The following TGFBRAP1 variants were observed in gnomAD, a reference collection of about 807,000 sequenced individuals.
TGFBRAP1 encodes transforming growth factor-beta receptor-associated protein 1.
Under a neutral mutation model 83.2 loss-of-function variants are expected in TGFBRAP1, and 20 were observed. The ratio of observed to expected loss-of-function variants is 0.24; its 90% CI spans 0.17 to 0.35. The LOEUF is 0.35. TGFBRAP1 is among the 10% of genes least tolerant of loss of function. TGFBRAP1 has a pLI of 1.00. For missense variants in TGFBRAP1, 950 were observed against 1,099.4 expected (o/e 0.86, Z 1.92); for synonymous variants, 415 against 459.8 (o/e 0.90, Z 1.25).
At chr2:105,317,970 T>G (rs1023327263) in intron 1 of TGFBRAP1, among the ~76,000 whole-genome samples, 1 of 152,216 alleles carries the variant, frequency 6.6e-6, no homozygotes, top group African/African-American at 2.4e-5. Context: ...ATTTGAAGTC[T>G]GACAACATGA....
chr2:105,268,159 C>T (rs534208325), intron 11 of TGFBRAP1, among the ~76,000 whole-genome samples: 33 of 152,294 alleles, frequency 2.2e-4, no homozygotes, highest in Non-Finnish European at 3.7e-4. Flanking sequence ...TCGTGTCAAC[C>T]GAGGCAGGTT....
intron 4 of TGFBRAP1, among the ~76,000 whole-genome samples, chr2:105,288,364 C>G (rs1326023951): frequency 6.6e-6 from 1 of 152,134 alleles, no homozygotes; most frequent in Non-Finnish European, 1.5e-5. Flanking sequence ...CTCTCCAGGG[C>G]TCTCGGCTAT....
intron 4 of TGFBRAP1, among the ~76,000 whole-genome samples, chr2:105,285,415 G>A (rs1370330328): frequency 7.2e-5 from 11 of 152,138 alleles, no homozygotes; most frequent in Non-Finnish European, 1.3e-4. Flanking sequence ...CATCTTACAG[G>A]TACAAAAACT....
chr2:105,306,068 GT>G (rs1553406584), intron 2 of TGFBRAP1, among the ~76,000 whole-genome samples: 4,528 of 118,660 alleles, frequency 0.038, 221 homozygotes, highest in African/African-American at 0.15. Context: ...TTTGTTTTTT[GT>G]TTTTTTTTTT....
intron 1 of TGFBRAP1, among the ~76,000 whole-genome samples, chr2:105,324,608 T>G (rs1679170191): frequency 1.3e-5 from 2 of 151,588 alleles, no homozygotes; most frequent in Non-Finnish European, 2.9e-5. Flanking sequence ...AAGTTAAAAG[T>G]TTTTTTTTCC....
At chr2:105,305,514 A>G (rs544964959) in intron 2 of TGFBRAP1, among the ~76,000 whole-genome samples, 99 of 152,308 alleles carry the variant, frequency 6.5e-4, no homozygotes, top group African/African-American at 2.3e-3. Context: ...AGTCCATAAG[A>G]GCACTGCTAA....
chr2:105,267,192 GTCATTCCA>G lies in TGFBRAP1; in HGVS notation c.*183_*190del. On this transcript the variant is annotated 3_prime_UTR_variant, in exon 12 of 12. Coordinates refer to ENST00000393359, the MANE Select transcript of TGFBRAP1 (RefSeq NM_004257.6). ...TTTCCATGTACATTCATAGAGCCTGGTCATTCCATGTACATTCATAGAGCCTGGTCAGC... is the reference window on the plus strand; with the variant it reads ...TTTCCATGTACATTCATAGAGCCTGGTGTACATTCATAGAGCCTGGTCAGC... 2.6e-5 allele frequency: 1 copy of G among 38,874 alleles called. No individual in the cohort carries two copies. The highest frequency in any genetic ancestry group is 8.5e-4 in the Admixed American group (1 of 1,172). The allele number at this position is 38,874 out of a possible 1,614,324, so 2.4% of individuals were successfully genotyped here. A position where few individuals can be genotyped will look rare whatever the true frequency, so the allele number is the denominator to read the frequency against.
chr2:105,301,326 T>C (rs867541981), intron 2 of TGFBRAP1, among the ~76,000 whole-genome samples: 1 of 152,180 alleles, frequency 6.6e-6, no homozygotes, highest in Non-Finnish European at 1.5e-5. Flanking sequence ...GGCTCAGGCC[T>C]GTAAGCCCAG....
At chr2:105,267,993 C>T (rs1239857940) in intron 11 of TGFBRAP1, 1 of 616,442 alleles carries the variant, frequency 1.6e-6, no homozygotes, top group Non-Finnish European at 2.0e-6. Flanking sequence ...GTCAAAGTTA[C>T]ACAGCTAACA....
downstream of TGFBRAP1, among the ~76,000 whole-genome samples, chr2:105,259,515 C>T (rs558282634): frequency 5.9e-5 from 9 of 152,286 alleles, no homozygotes; most frequent in Admixed American, 2.6e-4. Context: ...AGCAACCATC[C>T]AAGAAGGGGC....
chr2:105,285,708 TA>T (rs1677694431), intron 4 of TGFBRAP1, among the ~76,000 whole-genome samples: 1 of 152,218 alleles, frequency 6.6e-6, no homozygotes, highest in Admixed American at 6.5e-5. Context: ...CACTACACAG[TA>T]GTTTTAAAGG....
In TGFBRAP1 at chr2:105,294,307, G is replaced by GGTGTGTGTGTGT. The variant is rs3060066; in HGVS notation, c.1038+2037_1038+2048dup. Among the ~76,000 whole-genome samples, 303 of 147,984 alleles carry GGTGTGTGTGTGT rather than the reference G, an allele frequency of 2.0e-3. 2 individuals carry two copies. Among genetic ancestry groups the GGTGTGTGTGTGT allele is most frequent in the African/African-American group, 4.8e-3 (192 of 39,874 alleles). On this transcript the variant is annotated intron_variant, in intron 4 of 11. Coordinates refer to ENST00000393359, the MANE Select transcript of TGFBRAP1 (RefSeq NM_004257.6). ...TAGGCATGTGCTTCATAGGAGTGAG[G>GGTGTGTGTGTGT]GTGTGTGTGTGTGTGTGTGTGTGTG...
the TGFBRAP1 span, among the ~76,000 whole-genome samples, chr2:105,251,481 G>A: frequency 4.1e-5 from 6 of 147,906 alleles, no homozygotes; most frequent in East Asian, 2.0e-4. Flanking sequence ...AGTGAGGAGC[G>A]TCTCCGCCCG....
intron 2 of TGFBRAP1, among the ~76,000 whole-genome samples, chr2:105,304,203 A>G (rs974570037): frequency 7.2e-5 from 11 of 152,218 alleles, no homozygotes; most frequent in African/African-American, 2.4e-4. Context: ...AATATGTACT[A>G]AAATGTTTAC....
chr2:105,316,129 G>A (rs992201449), intron 1 of TGFBRAP1, among the ~76,000 whole-genome samples: 1 of 152,100 alleles, frequency 6.6e-6, no homozygotes. Flanking sequence ...AGTAGGCCAC[G>A]CTAATCTATA....
chr2:105,315,779 G>C (rs1425564847), intron 1 of TGFBRAP1, among the ~76,000 whole-genome samples: 5 of 152,154 alleles, frequency 3.3e-5, no homozygotes, highest in Non-Finnish European at 7.4e-5. Flanking sequence ...AAACTTTGGA[G>C]ATCTGTTCAG....
intron 4 of TGFBRAP1, among the ~76,000 whole-genome samples, chr2:105,293,461 T>G (rs372967272): frequency 6.6e-6 from 1 of 152,214 alleles, no homozygotes; most frequent in East Asian, 1.9e-4. Context: ...AATTCAGAAC[T>G]CAGAGAAGCG....
intron 2 of TGFBRAP1, 57 bp from the exon 3 acceptor site, chr2:105,298,762 C>T: frequency 6.7e-7 from 1 of 1,496,092 alleles, no homozygotes; most frequent in Non-Finnish European, 9.0e-7. Context: ...TGTCATTTTC[C>T]TGTAGCTATG....
rs1324436073 is a variant in TGFBRAP1, at chr2:105,269,839, C to G, written c.1973-134G>C. On this transcript the variant is annotated intron_variant, in intron 10 of 11. Transcript: ENST00000393359. The surrounding 1 kb of genome is among the most constrained non-coding windows in gnomAD (Gnocchi z 4.1). Reference sequence around the variant, plus strand: ...TCCCTCACAATGCCAAATGCTGCCACCCAGATGACTGAGGGTAGGTTTTCT... The same window carrying G: ...TCCCTCACAATGCCAAATGCTGCCAGCCAGATGACTGAGGGTAGGTTTTCT... 4 of 949,808 alleles carry G rather than the reference C, an allele frequency of 4.2e-6. No individual in the cohort carries two copies. Among genetic ancestry groups the G allele is most frequent in the Non-Finnish European group, 6.0e-6 (4 of 670,210 alleles). The allele number at this position is 949,808 out of a possible 1,614,324, so 58.8% of individuals were successfully genotyped here.
Sources: gnomAD v4.1 joint callset for allele counts (sites outside exome capture counted in the v4.1 genomes callset) on GRCh38, gnomAD v4.1.1 for gene constraint, Gnocchi (gnomAD v3.1) non-coding constraint, MANE v1.5 for transcripts, NCBI Gene and HGNC (gene_info 2026-07-23, HGNC 2026-07-21) for gene names.